Variants in OPCML observed in about 807,000 individuals in gnomAD.
OPCML encodes the protein opioid-binding protein/cell adhesion molecule.
OPCML carries 13 observed loss-of-function variants against 37.8 expected under a neutral mutation model. That is an observed-to-expected ratio of 0.34 (90% CI 0.22 to 0.55). OPCML has a LOEUF of 0.55. OPCML is among the 20% of genes least tolerant of loss of function. OPCML has a pLI of 0.91. For synonymous variants in OPCML, 176 were observed against 168.8 expected, an observed-to-expected ratio of 1.04 and a Z score of -0.33; for missense variants, 341 against 435.6, an observed-to-expected ratio of 0.78 and a Z score of 1.93.
intron 2 of OPCML, among the ~76,000 whole-genome samples, chr11:132,887,850 C>G (rs1943483266): frequency 6.6e-6 from 1 of 152,320 alleles, no homozygotes; most frequent in East Asian, 1.9e-4. Context: ...CTTACTCTGC[C>G]TAAGCTGTGC....
At chr11:133,074,602 G>A (rs1948593084) in intron 1 of OPCML, among the ~76,000 whole-genome samples, 1 of 152,222 alleles carries the variant, frequency 6.6e-6, no homozygotes, top group Non-Finnish European at 1.5e-5. Context: ...ATGGCCTGGG[G>A]AGAGTAAAGG....
intron 1 of OPCML, among the ~76,000 whole-genome samples, chr11:133,035,865 G>A (rs1167414976): frequency 6.6e-6 from 1 of 152,098 alleles, no homozygotes; most frequent in Non-Finnish European, 1.5e-5. Context: ...AAGACACCAT[G>A]GGCGCAGCGG....
rs1380284113 is a variant in OPCML, at chr11:133,140,663, G to GAA, written c.62-197655_62-197654dup. 3.5e-3 allele frequency among the ~76,000 whole-genome samples: 188 copies of GAA among 53,464 alleles called. 1 individual carries two copies. The highest frequency in any genetic ancestry group is 0.015 in the Middle Eastern group (2 of 132). The allele number at this position is 53,464 out of a possible 152,430, so 35.1% of individuals were successfully genotyped here. On this transcript the variant is annotated intron_variant, in intron 1 of 7. Coordinates refer to ENST00000524381, the MANE Select transcript of OPCML (RefSeq NM_001012393.5). ...AGGAGGAAGAGGAAGAGGAAGAAAA[G>GAA]AAGAAAAGAAGAAAGAAGAAAGATG...
intron 1 of OPCML, among the ~76,000 whole-genome samples, chr11:133,184,112 A>G (rs969759578): frequency 7.2e-5 from 11 of 152,184 alleles, no homozygotes; most frequent in Admixed American, 1.3e-4. Context: ...GAGGGTTCAA[A>G]AGGCAGGTGC....
chr11:132,535,568 G>A (rs1385580813), intron 3 of OPCML, among the ~76,000 whole-genome samples: 1 of 152,102 alleles, frequency 6.6e-6, no homozygotes, highest in African/African-American at 2.4e-5. Context: ...TATCTAATTT[G>A]TTCTTGACAA....
intron 3 of OPCML, among the ~76,000 whole-genome samples, chr11:132,590,708 G>T (rs1251047810): frequency 6.6e-6 from 1 of 151,998 alleles, no homozygotes; most frequent in East Asian, 1.9e-4. Flanking sequence ...TTAAACAAAC[G>T]GCACACACGC....
At chr11:132,750,876 C>T (rs993639154) in intron 2 of OPCML, among the ~76,000 whole-genome samples, 2 of 151,974 alleles carry the variant, frequency 1.3e-5, no homozygotes, top group Non-Finnish European at 2.9e-5. Context: ...CCCACCCTTC[C>T]ACCAAAGGCA....
intron 1 of OPCML, chr11:133,301,385 G>C (rs1942772549): frequency 6.6e-6 from 1 of 152,218 alleles, no homozygotes; most frequent in Non-Finnish European, 1.5e-5. Context: ...GGTGGCTGAA[G>C]TAGAGAGAAT....
intron 3 of OPCML, among the ~76,000 whole-genome samples, chr11:132,625,644 A>G (rs1010474130): frequency 6.6e-6 from 1 of 152,144 alleles, no homozygotes; most frequent in Non-Finnish European, 1.5e-5. Flanking sequence ...ACATACACCA[A>G]TGTTGTAGGA....
intron 1 of OPCML, among the ~76,000 whole-genome samples, chr11:133,363,948 C>G (rs185818719): frequency 1.3e-5 from 2 of 152,292 alleles, no homozygotes; most frequent in East Asian, 3.9e-4. Context: ...ACATCAAGCT[C>G]GCAGTGACCT....
At chr11:132,422,405 T>C (rs2095962666) in intron 7 of OPCML, among the ~76,000 whole-genome samples, 1 of 152,168 alleles carries the variant, frequency 6.6e-6, no homozygotes, top group Admixed American at 6.5e-5. Context: ...TGAGTGTTTC[T>C]GGTGGTGAGC....
At chr11:132,598,387 T>A (rs58348302) in intron 3 of OPCML, among the ~76,000 whole-genome samples, 14,229 of 152,236 alleles carry the variant, frequency 0.093, 833 homozygotes, top group African/African-American at 0.16. Flanking sequence ...ATGAATTTTT[T>A]TAAGTCGAGG....
chr11:133,422,377 T>TTTTTTATATATATATATATATA (rs1555156350), intron 1 of OPCML: 1 of 636,472 alleles, frequency 1.6e-6, no homozygotes, highest in African/African-American at 3.3e-5. Flanking sequence ...ACCAAAGACA[T>TTTTTTATATATATATATATATA]TATATATATA....
chr11:132,711,100 G>A lies in OPCML; in HGVS notation c.147-53781C>T, dbSNP rs957826498. On this transcript the variant is annotated intron_variant, in intron 2 of 7. Coordinates refer to ENST00000524381, the MANE Select transcript of OPCML (RefSeq NM_001012393.5). The stretch of plus-strand genomic sequence containing the variant: ...AACGAGACCTGCTTAGGAGGACAGC[G>A]AAAGCCCCAAATGCCATCTGAACTT... Among the ~76,000 whole-genome samples the A allele has an allele frequency of 6.6e-5, 10 of 152,250 alleles. No homozygotes were observed. The South Asian group carries it at 8.3e-4, about 13-fold the overall frequency.
At chr11:133,508,303 C>T (rs935366526) in intron 1 of OPCML, among the ~76,000 whole-genome samples, 6 of 152,134 alleles carry the variant, frequency 3.9e-5, no homozygotes, top group Non-Finnish European at 5.9e-5. Context: ...CTGGGTGCAG[C>T]CCAGGATTCT....
chr11:132,477,280 G>A (rs2096159757), intron 4 of OPCML, among the ~76,000 whole-genome samples: 2 of 152,218 alleles, frequency 1.3e-5, no homozygotes, highest in South Asian at 4.1e-4. Flanking sequence ...TCCCCAGTTA[G>A]CCTGTGCTGC....
intron 7 of OPCML, chr11:132,435,207 G>A (rs2096009008): frequency 7.8e-7 from 1 of 1,289,716 alleles, no homozygotes; most frequent in Non-Finnish European, 1.0e-6. Flanking sequence ...ACAGCACAAT[G>A]CACACACAAT....
In OPCML at chr11:132,822,528, G is replaced by A. The variant is rs79408962; in HGVS notation, c.146+120398C>T. The stretch of plus-strand genomic sequence containing the variant: ...AGTGTGTGTGTGTGTGTGTGTGCGC[G>A]CACACACTCATGCACTGTCACATGC... On this transcript the variant is annotated intron_variant, in intron 2 of 7. Coordinates refer to ENST00000524381, the MANE Select transcript of OPCML (RefSeq NM_001012393.5). Among the ~76,000 whole-genome samples, 1,133 of 151,958 alleles carry A rather than the reference G, an allele frequency of 7.5e-3. 11 individuals are homozygous for A. Among genetic ancestry groups the A allele is most frequent in the African/African-American group, 0.024 (977 of 41,434 alleles).
intron 1 of OPCML, among the ~76,000 whole-genome samples, chr11:133,081,844 C>G (rs1006989247): frequency 2.6e-5 from 4 of 152,092 alleles, no homozygotes; most frequent in Non-Finnish European, 4.4e-5. Context: ...CCTCCCCGCC[C>G]CTCTCCGCAT....
Sources: gnomAD v4.1 joint callset for allele counts (sites outside exome capture counted in the v4.1 genomes callset) on GRCh38, gnomAD v4.1.1 for gene constraint, MANE v1.5 for transcripts, NCBI Gene and HGNC (gene_info 2026-07-23, HGNC 2026-07-21) for gene names.